PADI1: variants seen among roughly 807,000 people sequenced by gnomAD.
PADI1 encodes peptidyl arginine deiminase 1.
In PADI1, 65 loss-of-function variants were observed where a neutral mutation model predicts 74.8. The ratio of observed to expected loss-of-function variants is 0.87; its 90% CI spans 0.71 to 1.07. The LOEUF (loss-of-function observed/expected upper bound fraction) is 1.07. Ranked by LOEUF, PADI1 falls within the 50% of genes least tolerant of loss-of-function variation. The pLI, the probability that PADI1 is intolerant of heterozygous loss-of-function variation, is 0.00. For synonymous variants in PADI1, 371 were observed against 336.2 expected (o/e 1.10, Z -1.13); for missense variants, 943 against 854.0 (o/e 1.10, Z -1.30).
Position 17,228,775 on chromosome 1 carries a change from G to T in PADI1, c.803G>T (p.Ser268Ile). 1.2e-6 allele frequency: 2 copies of T among 1,614,140 alleles called. No homozygotes were observed. The highest frequency in any genetic ancestry group is 1.7e-4 in the Middle Eastern group (1 of 6,040). The change falls in exon 7 of 16, where the codon AGT (serine) becomes ATT (isoleucine). Residue 268 changes from serine to isoleucine, a missense_variant. By Grantham distance (142) the Ser-to-Ile change is moderately radical. Transcript: ENST00000375471. Reference sequence around the variant, plus strand: ...GATTTCCTAGGGCTGGTTTCCCTCAGTGTCAGCCTGGTGGACCCGGGGGTG... The same window carrying T: ...GATTTCCTAGGGCTGGTTTCCCTCATTGTCAGCCTGGTGGACCCGGGGGTG... ...DADFLGLVSL[S>I]VSLVDPGTLP... is the part of the protein sequence containing the mutation.
At chr1:17,207,982 A>G (rs1008296114) in intron 1 of PADI1, among the ~76,000 whole-genome samples, 6 of 152,188 alleles carry the variant, frequency 3.9e-5, no homozygotes, top group Non-Finnish European at 7.3e-5. Flanking sequence ...TTTTAAGAGG[A>G]GCCTGAAGCT....
intron 1 of PADI1, among the ~76,000 whole-genome samples, chr1:17,207,492 C>G (rs1339997841): frequency 6.6e-6 from 1 of 152,230 alleles, no homozygotes; most frequent in Non-Finnish European, 1.5e-5. Context: ...ATGTATAAGA[C>G]CCCTTGCGCC....
chr1:17,231,950 TG>T lies in PADI1; in HGVS notation c.1162-868del, dbSNP rs1304747911. Among the ~76,000 whole-genome samples the T allele has an allele frequency of 2.0e-5, 3 of 152,000 alleles. No individual in the cohort carries two copies. In the East Asian group the frequency reaches 5.8e-4, roughly 29 times the overall value. ...TAAAAAAAACACGTGTTTGTTTGTT[TG>T]TTTTTGAGAAGGAGTCTCACACTGT... On this transcript the variant is annotated intron_variant, in intron 10 of 15. Coordinates refer to ENST00000375471, the MANE Select transcript of PADI1 (RefSeq NM_013358.3).
intron 1 of PADI1, among the ~76,000 whole-genome samples, chr1:17,205,585 C>T (rs1343587078): frequency 6.6e-6 from 1 of 152,118 alleles, no homozygotes; most frequent in African/African-American, 2.4e-5. Context: ...GCCCTGGGGT[C>T]AGGCTTTGGG....
At chr1:17,213,316 A>T (rs2071883144) in intron 1 of PADI1, among the ~76,000 whole-genome samples, 1 of 152,208 alleles carries the variant, frequency 6.6e-6, no homozygotes. Flanking sequence ...TCCTGCACCC[A>T]GCTTTCACCA....
rs747282761 is a variant in PADI1, at chr1:17,238,615, G to A, written c.1459-1G>A. 21 of 1,492,422 alleles carry A rather than the reference G, an allele frequency of 1.4e-5. No individual in the cohort carries two copies. The highest frequency in any genetic ancestry group is 1.7e-4 in the Middle Eastern group (1 of 5,718). 92.4% of individuals were successfully genotyped at this position (1,492,422 alleles called of 1,614,324 possible). On this transcript the variant is annotated splice_acceptor_variant, in intron 12 of 15. Transcript: ENST00000375471. LOFTEE classifies it high-confidence loss of function. ...AGCCATTCTCCCTCCCTCCGTGCCA[G>A]GGCTTCCGGCTGCTCCTGGCTAGCC...
At chr1:17,228,922 C>T (rs1403221107) in intron 7 of PADI1, 26 bp from the exon 8 acceptor site, 6 of 1,578,590 alleles carry the variant, frequency 3.8e-6, no homozygotes, top group African/African-American at 2.7e-5. Flanking sequence ...CCTGCAGGGC[C>T]CACCAAGTCC....
intron 1 of PADI1, among the ~76,000 whole-genome samples, chr1:17,217,987 G>T (rs1292622303): frequency 6.6e-6 from 1 of 152,260 alleles, no homozygotes; most frequent in Non-Finnish European, 1.5e-5. Context: ...TATCCTAGAT[G>T]AATGAATGAA....
At chr1:17,226,278 C>A (rs2072309553) in intron 6 of PADI1, 120 bp downstream of exon 6, 1 of 1,085,786 alleles carries the variant, frequency 9.2e-7, no homozygotes, top group Non-Finnish European at 1.4e-6. Flanking sequence ...TTACAAACAA[C>A]CACTCCATCA....
intron 6 of PADI1, among the ~76,000 whole-genome samples, chr1:17,227,892 C>G (rs2072367872): frequency 6.6e-6 from 1 of 152,246 alleles, no homozygotes; most frequent in Admixed American, 6.5e-5. Flanking sequence ...AATTCCCTAT[C>G]TGGATATTTC....
chr1:17,207,513 T>C (rs2071715192), intron 1 of PADI1, among the ~76,000 whole-genome samples: 2 of 152,266 alleles, frequency 1.3e-5, no homozygotes. Flanking sequence ...GTGGGTGCCC[T>C]GGCAGTGCGC....
Position 17,211,218 on chromosome 1 carries a change from G to GT in PADI1, c.92+5918dup, listed in dbSNP as rs58282320. Among the ~76,000 whole-genome samples the GT allele has an allele frequency of 8.5e-3, 1,277 of 151,068 alleles. 12 individuals are homozygous for GT. Among genetic ancestry groups the GT allele is most frequent in the African/African-American group, 0.029 (1,196 of 41,096 alleles). On this transcript the variant is annotated intron_variant, in intron 1 of 15. Transcript: ENST00000375471. ...GCCCTGGTTTTTTGTTTTTGTTTTT[G>GT]TTTTTTTTTGAGACGGAGTCTTGCT...
In PADI1 at chr1:17,239,764, G is replaced by A. The variant is rs768091447; in HGVS notation, c.1613G>A (p.Arg538Lys). The A allele has an allele frequency of 6.8e-6, 11 of 1,613,828 alleles. No individual in the cohort carries two copies. The East Asian group carries it at 2.2e-4, about 33-fold the overall frequency. Residue 538 changes from arginine to lysine, a missense_variant, in exon 14 of 16, where the codon AGA becomes AAA. Transcript: ENST00000375471. ...NEMLADRHLQ[R>K]DNLHAQKCID... ...ATGCTGGCAGACAGACACCTCCAGAGAGACAATCTTCATGCACAGGTGAGA... is the reference window on the plus strand; with the variant it reads ...ATGCTGGCAGACAGACACCTCCAGAAAGACAATCTTCATGCACAGGTGAGA...
At chr1:17,222,646 G>T (rs1450665677) in intron 2 of PADI1, among the ~76,000 whole-genome samples, 176 bp downstream of exon 2, 1 of 151,972 alleles carries the variant, frequency 6.6e-6, no homozygotes, top group Non-Finnish European at 1.5e-5. Context: ...CCCAAAACAC[G>T]CAAACCTCCA....
intron 11 of PADI1, 119 bp from the exon 12 acceptor site, chr1:17,237,195 C>G: frequency 8.4e-7 from 1 of 1,190,672 alleles, no homozygotes; most frequent in South Asian, 1.5e-5. Flanking sequence ...CTCTACGCCC[C>G]ACGTTTAAAG....
intron 6 of PADI1, among the ~76,000 whole-genome samples, chr1:17,227,670 C>A (rs1306456276): frequency 6.6e-6 from 1 of 152,246 alleles, no homozygotes; most frequent in Non-Finnish European, 1.5e-5. Flanking sequence ...TCACCCTTCG[C>A]TGTTCAAACT....
At chr1:17,206,014 G>A (rs896046790) in intron 1 of PADI1, among the ~76,000 whole-genome samples, 3 of 152,188 alleles carry the variant, frequency 2.0e-5, no homozygotes, top group African/African-American at 4.8e-5. Context: ...GCTGTGTCCA[G>A]ATGGGGACTC....
At chr1:17,236,024 C>T (rs2100514223) in intron 11 of PADI1, among the ~76,000 whole-genome samples, 1 of 152,194 alleles carries the variant, frequency 6.6e-6, no homozygotes, top group Non-Finnish European at 1.5e-5. Flanking sequence ...AAAGGGTTGG[C>T]TACGTATTAG....
At position 17,214,526 on chromosome 1, in the gene PADI1, A is replaced by C. The variant is rs565609361; in HGVS notation, c.93-7764A>C. Among the ~76,000 whole-genome samples, 14 of 152,264 alleles carry C rather than the reference A, an allele frequency of 9.2e-5. No homozygotes were observed. In the East Asian group the frequency reaches 2.5e-3, roughly 27 times the overall value. On this transcript the variant is annotated intron_variant, in intron 1 of 15. Coordinates refer to ENST00000375471, the MANE Select transcript of PADI1 (RefSeq NM_013358.3). The stretch of plus-strand genomic sequence containing the variant: ...GGGGTGCTTTCAAATCTGTGACCTC[A>C]CCTGACTGTGCATTTGGGGACATGC...
Sources: allele counts gnomAD v4.1 joint callset (sites outside exome capture counted in the v4.1 genomes callset), GRCh38; gene constraint gnomAD v4.1.1; transcripts MANE v1.5; gene names NCBI Gene and HGNC (gene_info 2026-07-23, HGNC 2026-07-21).